Variants in ULK4 observed in about 807,000 individuals in gnomAD.
ULK4 encodes the protein unc-51 like kinase 4.
ULK4 carries 133 observed loss-of-function variants against 160.6 expected under a neutral mutation model. The ratio of observed to expected loss-of-function variants is 0.83; its 90% confidence interval spans 0.72 to 0.96. The LOEUF (loss-of-function observed/expected upper bound fraction) is 0.96. Among genes scored for constraint, ULK4 ranks in the 40% least tolerant of loss-of-function variants. ULK4 has a pLI of 0.00. For synonymous variants in ULK4, 534 were observed against 539.8 expected (o/e 0.99, Z 0.15); for missense variants, 1,580 against 1,499.5 (o/e 1.05, Z -0.89).
chr3:41,723,838 C>T (rs922809251), intron 22 of ULK4, among the ~76,000 whole-genome samples: 2 of 152,206 alleles, frequency 1.3e-5, no homozygotes, highest in Admixed American at 6.5e-5. Flanking sequence ...GCCCAGTGGG[C>T]GCCTGGGACT....
At chr3:41,685,049 C>A (rs1431427917) in intron 27 of ULK4, among the ~76,000 whole-genome samples, 4 of 151,206 alleles carry the variant, frequency 2.6e-5, no homozygotes, top group Non-Finnish European at 5.9e-5. Flanking sequence ...TGCCTGGGTT[C>A]AATACCTGGC....
chr3:41,460,837 AC>A (rs2083666068), intron 33 of ULK4, among the ~76,000 whole-genome samples: 2 of 152,082 alleles, frequency 1.3e-5, no homozygotes, highest in African/African-American at 4.8e-5. Context: ...TCTCACAACC[AC>A]CCCGCAGAGT....
At chr3:41,792,260 GATTTTAAA>G (rs1439982026) in intron 20 of ULK4, among the ~76,000 whole-genome samples, 1 of 152,060 alleles carries the variant, frequency 6.6e-6, no homozygotes, top group African/African-American at 2.4e-5. Flanking sequence ...ATCTGGTTAT[GATTTTAAA>G]ATTTTGAGAG....
intron 17 of ULK4, among the ~76,000 whole-genome samples, chr3:41,851,485 T>A (rs1038595829): frequency 1.3e-5 from 2 of 152,196 alleles, no homozygotes; most frequent in African/African-American, 4.8e-5. Context: ...TTGCCAGTAT[T>A]TTATTGAGGA....
At chr3:41,287,640 G>A (rs577235676) in intron 35 of ULK4, among the ~76,000 whole-genome samples, 126 of 152,222 alleles carry the variant, frequency 8.3e-4, no homozygotes, top group Non-Finnish European at 1.5e-3. Flanking sequence ...AAAACCCTCC[G>A]GGAGTTTGAG....
At chr3:41,814,187 A>G (rs2040898330) in intron 19 of ULK4, among the ~76,000 whole-genome samples, 1 of 152,192 alleles carries the variant, frequency 6.6e-6, no homozygotes, top group Non-Finnish European at 1.5e-5. Flanking sequence ...ATCTGTATGT[A>G]GTATCTTTCA....
At chr3:41,959,842 A>C (rs1700611449) in intron 1 of ULK4, among the ~76,000 whole-genome samples, 1 of 152,228 alleles carries the variant, frequency 6.6e-6, no homozygotes, top group African/African-American at 2.4e-5. Flanking sequence ...TTATAACCAA[A>C]ATAAGATTAA....
chr3:41,292,494 A>T (rs2079589215), intron 35 of ULK4, among the ~76,000 whole-genome samples: 1 of 152,148 alleles, frequency 6.6e-6, no homozygotes, highest in South Asian at 2.1e-4. Context: ...AAAATACAAA[A>T]AATTAGCTGG....
At chr3:41,804,911 T>C (rs988925711) in intron 19 of ULK4, among the ~76,000 whole-genome samples, 2 of 152,160 alleles carry the variant, frequency 1.3e-5, no homozygotes, top group African/African-American at 4.8e-5. Context: ...TGAAGTCAGG[T>C]AGCGTGATGC....
intron 32 of ULK4, among the ~76,000 whole-genome samples, chr3:41,507,708 A>T (rs75450817): frequency 0.018 from 2,678 of 152,158 alleles, 83 homozygotes; most frequent in African/African-American, 0.062. Flanking sequence ...AAGTTGAAGC[A>T]GTAAATATTA....
At chr3:41,558,997 G>C (rs2087436685) in intron 32 of ULK4, among the ~76,000 whole-genome samples, 1 of 130,542 alleles carries the variant, frequency 7.7e-6, no homozygotes. Context: ...TTTAACATTA[G>C]GTGTATCTCC....
intron 22 of ULK4, among the ~76,000 whole-genome samples, chr3:41,727,204 GCCTAA>G (rs1409852485): frequency 6.6e-6 from 1 of 151,856 alleles, no homozygotes; most frequent in Non-Finnish European, 1.5e-5. Context: ...CAAGTCCTAT[GCCTAA>G]TATCTACACC....
At chr3:41,620,952 G>A (rs1172140414) in intron 30 of ULK4, among the ~76,000 whole-genome samples, 1 of 152,156 alleles carries the variant, frequency 6.6e-6, no homozygotes, top group East Asian at 1.9e-4. Context: ...AAAGTCACAA[G>A]CATTCCCATA....
Position 41,898,496 on chromosome 3 carries a change from T to C in ULK4, c.1288-4A>G. The C allele has an allele frequency of 6.3e-7, 1 of 1,577,718 alleles. No individual in the cohort carries two copies. Among genetic ancestry groups the C allele is most frequent in the Middle Eastern group, 1.7e-4 (1 of 5,928 alleles). On this transcript the variant is annotated splice_region_variant and splice_polypyrimidine_tract_variant and intron_variant, in intron 13 of 36. Transcript: ENST00000301831. Reference sequence around the variant, plus strand: ...TAACTGGTGGCTGTTTCATTATCTGTGGTTTAAAAAAAAAGAAAGCTTTTG... The same window carrying C: ...TAACTGGTGGCTGTTTCATTATCTGCGGTTTAAAAAAAAAGAAAGCTTTTG...
chr3:41,889,975 T>C (rs1697859064), intron 16 of ULK4, among the ~76,000 whole-genome samples: 1 of 152,168 alleles, frequency 6.6e-6, no homozygotes, highest in Non-Finnish European at 1.5e-5. Flanking sequence ...CTTGAAAACA[T>C]TATGCTAAAT....
chr3:41,552,422 A>G (rs2087107217), intron 32 of ULK4, among the ~76,000 whole-genome samples: 2 of 152,050 alleles, frequency 1.3e-5, no homozygotes, highest in Non-Finnish European at 2.9e-5. Context: ...GAATGCAAAA[A>G]TCACCACATA....
chr3:41,926,936 C>T (rs1164398597), intron 5 of ULK4, among the ~76,000 whole-genome samples: 1 of 152,122 alleles, frequency 6.6e-6, no homozygotes, highest in Non-Finnish European at 1.5e-5. Context: ...AGGATATTAT[C>T]CAGGAGAACT....
chr3:41,831,023 T>G (rs187516918), intron 18 of ULK4, among the ~76,000 whole-genome samples: 89 of 151,698 alleles, frequency 5.9e-4, no homozygotes, highest in African/African-American at 2.0e-3. Context: ...TTTATTTATT[T>G]ATTTATTTAT....
At chr3:41,255,690 G>C (rs950649123) in intron 35 of ULK4, among the ~76,000 whole-genome samples, 1 of 141,334 alleles carries the variant, frequency 7.1e-6, no homozygotes, top group Admixed American at 7.2e-5. Flanking sequence ...TTCTAAATTT[G>C]TGTGCTCCTG....
Sources: gnomAD v4.1 joint callset for allele counts (sites outside exome capture counted in the v4.1 genomes callset) on GRCh38, gnomAD v4.1.1 for gene constraint, MANE v1.5 for transcripts, NCBI Gene and HGNC (gene_info 2026-07-23, HGNC 2026-07-21) for gene names.